Variants in SLC1A1 observed in about 807,000 individuals in gnomAD.
SLC1A1 encodes the protein excitatory amino acid transporter 3.
SLC1A1 carries 43 observed loss-of-function variants against 53.3 expected under a neutral mutation model. The observed-to-expected ratio is 0.81, with a 90% CI of 0.63 to 1.04. The LOEUF (loss-of-function observed/expected upper bound fraction) is 1.04, where lower values mean the gene tolerates loss of function less well. Ranked by LOEUF, SLC1A1 falls within the 50% of genes least tolerant of loss-of-function variation. The pLI, the probability that SLC1A1 is intolerant of heterozygous loss-of-function variation, is 0.00. For missense variants in SLC1A1, 748 were observed against 664.9 expected (o/e 1.12, Z -1.37); for synonymous variants, 307 against 243.2 (o/e 1.26, Z -2.44).
intron 2 of SLC1A1, among the ~76,000 whole-genome samples, chr9:4,554,629 G>C (rs1008924916): frequency 2.0e-5 from 3 of 152,208 alleles, no homozygotes; most frequent in African/African-American, 7.2e-5. Flanking sequence ...GAAGAGGCTG[G>C]AGGAGGGGAT....
chr9:4,532,499 G>C (rs1243750795), intron 1 of SLC1A1, among the ~76,000 whole-genome samples: 1 of 152,120 alleles, frequency 6.6e-6, no homozygotes, highest in African/African-American at 2.4e-5. Context: ...GAAGTGAGAA[G>C]AGAAGTTTAG....
chr9:4,565,351 C>T (rs1055195158), intron 4 of SLC1A1, among the ~76,000 whole-genome samples: 52 of 152,198 alleles, frequency 3.4e-4, no homozygotes, highest in African/African-American at 1.2e-3. Context: ...TGTATTAGTC[C>T]ATTTTCACAC....
intron 10 of SLC1A1, among the ~76,000 whole-genome samples, chr9:4,581,430 G>T (rs1456166855): frequency 6.6e-6 from 1 of 152,236 alleles, no homozygotes; most frequent in African/African-American, 2.4e-5. Context: ...ACCAATGCCA[G>T]TCAAACAGCA....
chr9:4,560,695 TA>T lies in SLC1A1; in HGVS notation c.233-740del, dbSNP rs200416823. 9.2e-3 allele frequency among the ~76,000 whole-genome samples: 1,329 copies of T among 144,286 alleles called. 23 individuals carry two copies. Among genetic ancestry groups the T allele is most frequent in the South Asian group, 0.07 (319 of 4,534 alleles). The allele number at this position is 144,286 out of a possible 152,430, so 94.7% of individuals were successfully genotyped here. A position where few individuals can be genotyped will look rare whatever the true frequency, so the allele number is the denominator to read the frequency against. ...CATGAGTTACATGATTCTCAAGTGT[TA>T]AAAAAAAAAAAAATCTCAGGCAGGA... On this transcript the variant is annotated intron_variant, in intron 2 of 11. Transcript: ENST00000262352.
At position 4,505,037 on chromosome 9, in the gene SLC1A1, A is replaced by G. The variant is rs1030115148; in HGVS notation, c.91+14267A>G. Among the ~76,000 whole-genome samples the G allele has an allele frequency of 6.8e-5, 8 of 116,816 alleles. 1 individual carries two copies. The highest frequency in any genetic ancestry group is 6.3e-4 in the Admixed American group (7 of 11,062). 76.6% of individuals were successfully genotyped at this position (116,816 alleles called of 152,430 possible). On this transcript the variant is annotated intron_variant, in intron 1 of 11. Coordinates refer to ENST00000262352, the MANE Select transcript of SLC1A1 (RefSeq NM_004170.6). ...GTGCGATGTGGGGGTGTATGTGTACATATATTTCTTTTTTTTTTTTTTTTT... is the reference window on the plus strand; with the variant it reads ...GTGCGATGTGGGGGTGTATGTGTACGTATATTTCTTTTTTTTTTTTTTTTT...
chr9:4,528,493 G>A (rs10974596), intron 1 of SLC1A1, among the ~76,000 whole-genome samples: 4 of 152,170 alleles, frequency 2.6e-5, no homozygotes, highest in South Asian at 2.1e-4. Context: ...GGAGAATGGC[G>A]TGAACCCGGG....
At chr9:4,500,911 G>A (rs892291545) in intron 1 of SLC1A1, among the ~76,000 whole-genome samples, 8 of 152,070 alleles carry the variant, frequency 5.3e-5, no homozygotes, top group Non-Finnish European at 1.2e-4. Flanking sequence ...CCTCTCCCAG[G>A]CCCAGCCTCG....
At chr9:4,498,099 T>C (rs961405714) in intron 1 of SLC1A1, among the ~76,000 whole-genome samples, 1 of 152,226 alleles carries the variant, frequency 6.6e-6, no homozygotes, top group Non-Finnish European at 1.5e-5. Context: ...CTTCTAGCTT[T>C]AAGAACCTTT....
chr9:4,552,381 A>G (rs2130892852), intron 2 of SLC1A1, among the ~76,000 whole-genome samples: 1 of 152,306 alleles, frequency 6.6e-6, no homozygotes, highest in Non-Finnish European at 1.5e-5. Context: ...AGTGAAAGGA[A>G]GAGGGTGGGT....
At chr9:4,521,216 A>C (rs1816057894) in intron 1 of SLC1A1, among the ~76,000 whole-genome samples, 1 of 152,200 alleles carries the variant, frequency 6.6e-6, no homozygotes, top group Non-Finnish European at 1.5e-5. Flanking sequence ...ATAAATTGCA[A>C]AGCAACATTT....
chr9:4,585,036 A>C lies in SLC1A1; in HGVS notation c.1329-276A>C, dbSNP rs78810853. Reference sequence around the variant, plus strand: ...AATTCTGAACCTCCCTCAGTCCCCCAAAAAATATCTGGAACGACTCTATTC... The same window carrying C: ...AATTCTGAACCTCCCTCAGTCCCCCCAAAAATATCTGGAACGACTCTATTC... On this transcript the variant is annotated intron_variant, in intron 11 of 11. Transcript: ENST00000262352. 6.4e-4 allele frequency among the ~76,000 whole-genome samples: 98 copies of C among 152,282 alleles called. 1 individual carries two copies. The East Asian group carries it at 0.013, about 20-fold the overall frequency.
intron 1 of SLC1A1, among the ~76,000 whole-genome samples, chr9:4,509,747 A>G (rs1283261165): frequency 6.6e-6 from 1 of 152,194 alleles, no homozygotes; most frequent in African/African-American, 2.4e-5. Context: ...GCACAGAGCC[A>G]TATGGCATGA....
At chr9:4,522,466 A>G (rs1816113156) in intron 1 of SLC1A1, among the ~76,000 whole-genome samples, 1 of 152,138 alleles carries the variant, frequency 6.6e-6, no homozygotes, top group South Asian at 2.1e-4. Flanking sequence ...TATTCAGCCT[A>G]ATGTCCGTGT....
chr9:4,534,871 G>C (rs1488731772), intron 1 of SLC1A1, among the ~76,000 whole-genome samples: 1 of 152,140 alleles, frequency 6.6e-6, no homozygotes, highest in Admixed American at 6.5e-5. Context: ...GATCTAGTGG[G>C]ATTCATCCCT....
At chr9:4,490,952 C>G (rs1237611001) in intron 1 of SLC1A1, among the ~76,000 whole-genome samples, 182 bp downstream of exon 1, 1 of 152,194 alleles carries the variant, frequency 6.6e-6, no homozygotes, top group African/African-American at 2.4e-5. Context: ...TACTGCACAC[C>G]AAGAACAAAG....
chr9:4,509,728 G>C (rs916981345), intron 1 of SLC1A1, among the ~76,000 whole-genome samples: 1 of 152,172 alleles, frequency 6.6e-6, no homozygotes, highest in Non-Finnish European at 1.5e-5. Flanking sequence ...GGCAAATGGA[G>C]AGTGACTAGC....
At chr9:4,557,513 T>G (rs1404825881) in intron 2 of SLC1A1, among the ~76,000 whole-genome samples, 2 of 151,972 alleles carry the variant, frequency 1.3e-5, no homozygotes, top group African/African-American at 4.8e-5. Flanking sequence ...TGGCCAGGTG[T>G]GGTGGCTCAC....
intron 10 of SLC1A1, 141 bp downstream of exon 10, chr9:4,576,904 C>T (rs563383019): frequency 2.1e-5 from 17 of 807,258 alleles, no homozygotes; most frequent in South Asian, 7.6e-5. Flanking sequence ...AGATTAAATA[C>T]GACTATATCC....
At chr9:4,544,903 A>T (rs1247699851) in intron 2 of SLC1A1, among the ~76,000 whole-genome samples, 196 bp downstream of exon 2, 3 of 152,214 alleles carry the variant, frequency 2.0e-5, no homozygotes, top group Non-Finnish European at 2.9e-5. Context: ...ACAAGGTGGC[A>T]GGAAGGAGAA....
Sources: gnomAD v4.1 joint callset for allele counts (sites outside exome capture counted in the v4.1 genomes callset) on GRCh38, gnomAD v4.1.1 for gene constraint, MANE v1.5 for transcripts, NCBI Gene and HGNC (gene_info 2026-07-23, HGNC 2026-07-21) for gene names.